The following SYNJ2 variants were observed in gnomAD, a reference collection of about 807,000 sequenced individuals.
The protein encoded by SYNJ2 is polyphosphatidylinositol phosphatase SYNJ2.
A neutral mutation model predicts 141.3 loss-of-function variants in SYNJ2; 116 were observed. The observed-to-expected ratio is 0.82, with a 90% CI of 0.71 to 0.96. The LOEUF is 0.96. Among genes scored for constraint, SYNJ2 ranks in the 40% least tolerant of loss-of-function variants. The pLI is 0.00. For missense variants in SYNJ2, 1,873 were observed against 1,934.8 expected (o/e 0.97, Z 0.60); for synonymous variants, 745 against 777.7 (o/e 0.96, Z 0.70).
chr6:158,064,015 A>C lies in SYNJ2; in HGVS notation c.1209+143A>C, dbSNP rs1781397792. The stretch of plus-strand genomic sequence containing the variant: ...CTGACTATGGGGAAGGTGGACAGGG[A>C]GACACTGGGACATCCAGAGAGGGGT... On this transcript the variant is annotated intron_variant, in intron 9 of 26. Transcript: ENST00000355585. The C allele has an allele frequency of 5.0e-5, 40 of 806,262 alleles. No homozygotes were observed. The South Asian group carries it at 6.6e-4, about 13-fold the overall frequency. 49.9% of individuals were successfully genotyped at this position (806,262 alleles called of 1,614,324 possible).
chr6:158,017,715 G>A (rs781034996), intron 2 of SYNJ2: 13 of 526,640 alleles, frequency 2.5e-5, no homozygotes, highest in East Asian at 2.2e-4. Flanking sequence ...GTGCCTGGCC[G>A]ACCTCTCTTC....
Position 158,078,299 on chromosome 6 carries a change from A to T in SYNJ2, c.2567+18A>T. ...GATCACAGGTGAGGTCCTGACTTCC[A>T]TGGCGTTTTCTCCTGTGCTGGGCAA... is the stretch of plus-strand genomic sequence containing the variant. On this transcript the variant is annotated intron_variant, in intron 18 of 26. Transcript: ENST00000355585. The T allele has an allele frequency of 1.3e-6, 2 of 1,565,832 alleles. No homozygotes were observed. Among genetic ancestry groups the T allele is most frequent in the Non-Finnish European group, 1.8e-6 (2 of 1,137,050 alleles).
chr6:158,079,012 C>T (rs2986007), intron 18 of SYNJ2: 81,879 of 151,972 alleles, frequency 0.54, 22,509 homozygotes, highest in African/African-American at 0.64. Context: ...CCAGGCTGGT[C>T]CCAAACTCCT....
Position 158,033,538 on chromosome 6 carries a change from C to A in SYNJ2, c.569C>A (p.Thr190Asn). ...WLLKIICGVVTIRTVYASHKQ... is the reference protein window; with the variant it reads ...WLLKIICGVVNIRTVYASHKQ... ...CTGAAGATCATCTGCGGGGTGGTCA[C>A]CATCCGCACCGTGTATGCCTCCCAC... The change falls in exon 4 of 27, where the codon ACC becomes AAC. Residue 190 changes from threonine to asparagine, a missense_variant. Thr to Asn is a moderately conservative substitution (Grantham distance 65). Transcript: ENST00000355585. The A allele has an allele frequency of 6.2e-7, 1 of 1,614,214 alleles. No individual in the cohort carries two copies. The highest frequency in any genetic ancestry group is 1.1e-5 in the South Asian group (1 of 91,092).
At chr6:158,041,137 TAG>T (rs1386444757) in intron 4 of SYNJ2, among the ~76,000 whole-genome samples, 3 of 152,266 alleles carry the variant, frequency 2.0e-5, no homozygotes, top group South Asian at 2.1e-4. Context: ...GAACTTCATG[TAG>T]AGAGAGGGAA....
At chr6:158,015,520 C>G (rs1319173348) in intron 1 of SYNJ2, among the ~76,000 whole-genome samples, 1 of 152,154 alleles carries the variant, frequency 6.6e-6, no homozygotes, top group Non-Finnish European at 1.5e-5. Context: ...AGCATTTCCT[C>G]TAATTAGGAA....
intron 5 of SYNJ2, among the ~76,000 whole-genome samples, chr6:158,050,580 A>G (rs1191789613): frequency 6.6e-6 from 1 of 152,212 alleles, no homozygotes. Flanking sequence ...AGTCCAGGAT[A>G]AAAGACAAGC....
intron 1 of SYNJ2, among the ~76,000 whole-genome samples, chr6:157,988,348 T>A (rs992108716): frequency 6.6e-6 from 1 of 152,112 alleles, no homozygotes; most frequent in Non-Finnish European, 1.5e-5. Context: ...GAACCTGGCC[T>A]TCCAGGTAGT....
chr6:158,083,519 G>A lies in SYNJ2; in HGVS notation c.2956G>A (p.Ala986Thr), dbSNP rs1368023037. The change falls in exon 21 of 27, where the codon GCC (alanine) becomes ACC (threonine). Residue 986 changes from alanine (A) to threonine (T), a missense_variant. Physicochemically the swap from Ala to Thr is moderately conservative, Grantham distance 58. Transcript: ENST00000355585. ...EEIIRKRDSMAPVSPTANSCL... is the reference protein window; with the variant it reads ...EEIIRKRDSMTPVSPTANSCL... ...GATCATTCGGAAACGAGACAGCATG[G>A]CCCCCGTGTCTCCCACTGCCAACTC... is the stretch of plus-strand genomic sequence containing the variant. The A allele has an allele frequency of 3.1e-6, 5 of 1,614,020 alleles. No individual in the cohort carries two copies. The highest frequency in any genetic ancestry group is 1.3e-5 in the African/African-American group (1 of 74,896).
In SYNJ2 at chr6:158,059,365, C is replaced by T. The variant is rs770693091; in HGVS notation, c.954+12C>T. On this transcript the variant is annotated intron_variant, in intron 7 of 26. Coordinates refer to ENST00000355585, the MANE Select transcript of SYNJ2 (RefSeq NM_003898.4). ...ACAGAGCCTTCAAGGTAAGGCCAGG[C>T]TGTCCTCTCCACAGCTGGGCTGGGC... 6.5e-7 allele frequency: 1 copy of T among 1,549,226 alleles called. No individual in the cohort carries two copies. The highest frequency in any genetic ancestry group is 1.2e-5 in the South Asian group (1 of 83,988).
At chr6:158,086,460 C>T (rs541170730) in intron 22 of SYNJ2, among the ~76,000 whole-genome samples, 22 of 152,174 alleles carry the variant, frequency 1.4e-4, no homozygotes, top group Non-Finnish European at 2.8e-4. Flanking sequence ...GGGAGAACAC[C>T]CTCAGCTTCC....
rs1292987442 is a variant in SYNJ2, at chr6:158,081,221, G to A, written c.2680G>A (p.Val894Ile). Residue 894 changes from valine to isoleucine, a missense_variant, in exon 19 of 27, where the codon GTA (valine) becomes ATA (isoleucine). Coordinates refer to ENST00000355585, the MANE Select transcript of SYNJ2 (RefSeq NM_003898.4). ...FQGPLDATVV[V>I]NLQSPTLEEK... Reference sequence around the variant, plus strand: ...GGGCCCCCTGGATGCCACTGTTGTAGTAAACCTTCAATCACCGACCTTAGA... The same window carrying A: ...GGGCCCCCTGGATGCCACTGTTGTAATAAACCTTCAATCACCGACCTTAGA... 7 of 1,614,050 alleles carry A rather than the reference G, an allele frequency of 4.3e-6. No homozygotes were observed. Among genetic ancestry groups the A allele is most frequent in the Non-Finnish European group, 5.9e-6 (7 of 1,180,042 alleles).
At chr6:158,063,659 CAAAAAAAAAAAAA>C (rs71298907) in intron 8 of SYNJ2, 119 bp from the exon 9 acceptor site, 111 of 188,766 alleles carry the variant, frequency 5.9e-4, no homozygotes, top group East Asian at 1.3e-3. Context: ...GACTCTGTCT[CAAAAAAAAAAAAA>C]AAAAAAAAAA....
At chr6:158,075,228 G>A (rs7738832) in intron 16 of SYNJ2, among the ~76,000 whole-genome samples, 107,227 of 151,490 alleles carry the variant, frequency 0.71, 38,196 homozygotes, top group East Asian at 0.88. Context: ...CACCATGCCC[G>A]GTCAACCTTC....
At chr6:158,095,010 A>T (rs1035810322) in intron 26 of SYNJ2, among the ~76,000 whole-genome samples, 2 of 152,278 alleles carry the variant, frequency 1.3e-5, no homozygotes, top group Middle Eastern at 6.8e-3. Flanking sequence ...TTAGCCAGGC[A>T]TGGTGGCAGG....
At chr6:158,009,493 G>A (rs984631797) in intron 1 of SYNJ2, among the ~76,000 whole-genome samples, 1 of 152,220 alleles carries the variant, frequency 6.6e-6, no homozygotes, top group African/African-American at 2.4e-5. Context: ...CCACAGAGCC[G>A]GCGGCTAAAA....
chr6:158,061,532 C>T (rs1002583252), intron 7 of SYNJ2, among the ~76,000 whole-genome samples: 1 of 152,184 alleles, frequency 6.6e-6, no homozygotes, highest in Non-Finnish European at 1.5e-5. Context: ...AGAGCATAAC[C>T]ACCAGAGGCT....
chr6:158,052,864 A>G (rs1341051108), intron 5 of SYNJ2, among the ~76,000 whole-genome samples: 6 of 152,234 alleles, frequency 3.9e-5, no homozygotes, highest in Admixed American at 1.3e-4. Context: ...ACATTGACAA[A>G]GTACTTCAAT....
chr6:158,067,494 A>G (rs766649584), intron 12 of SYNJ2: 13 of 985,362 alleles, frequency 1.3e-5, no homozygotes, highest in African/African-American at 3.5e-5. Flanking sequence ...GAATGGCCCC[A>G]GAACTTAGGA....
Sources: gnomAD v4.1 joint callset for allele counts (sites outside exome capture counted in the v4.1 genomes callset) on GRCh38, gnomAD v4.1.1 for gene constraint, MANE v1.5 for transcripts, NCBI Gene and HGNC (gene_info 2026-07-23, HGNC 2026-07-21) for gene names.